PHLDB1: variants seen among roughly 807,000 people sequenced by gnomAD.
The protein encoded by PHLDB1 is pleckstrin homology like domain family B member 1.
Under a neutral mutation model 139.3 loss-of-function variants are expected in PHLDB1, and 65 were observed. The ratio of observed to expected loss-of-function variants is 0.47; its 90% CI spans 0.38 to 0.57. The LOEUF (loss-of-function observed/expected upper bound fraction) is 0.57, where lower values mean the gene tolerates loss of function less well. Ranked by LOEUF, PHLDB1 falls within the 20% of genes least tolerant of loss-of-function variation. The pLI is 0.00. For missense variants in PHLDB1, 1,624 were observed against 1,839.7 expected (o/e 0.88, Z 2.14); for synonymous variants, 679 against 734.5 (o/e 0.92, Z 1.22).
Position 118,645,861 on chromosome 11 carries a change from T to C in PHLDB1, c.3507+36T>C, listed in dbSNP as rs782634468. On this transcript the variant is annotated intron_variant, in intron 17 of 22. Coordinates refer to ENST00000600882, the MANE Select transcript of PHLDB1 (RefSeq NM_001144758.3). This position sits in a 1 kb window ranked among gnomAD's most constrained non-coding sequence, Gnocchi z 5.1. ...CCTGGATCGGGGAGGCAGAAGGTGT[T>C]GGGGCACAGAGCTACCTACTGCATG... 10 of 1,364,704 alleles carry C rather than the reference T, an allele frequency of 7.3e-6. No homozygotes were observed. The Admixed American group carries it at 1.7e-4, about 23-fold the overall frequency. The allele number at this position is 1,364,704 out of a possible 1,614,324, so 84.5% of individuals were successfully genotyped here. A position where few individuals can be genotyped will look rare whatever the true frequency, so the allele number is the denominator to read the frequency against.
intron 4 of PHLDB1, among the ~76,000 whole-genome samples, chr11:118,622,474 A>G (rs111807806): frequency 9.7e-4 from 148 of 152,362 alleles, no homozygotes; most frequent in Middle Eastern, 3.4e-3. Context: ...GCCCAGAGGC[A>G]GCATGGCCAC....
At chr11:118,622,392 C>T (rs545193371) in intron 4 of PHLDB1, among the ~76,000 whole-genome samples, 1 of 152,226 alleles carries the variant, frequency 6.6e-6, no homozygotes, top group Non-Finnish European at 1.5e-5. Flanking sequence ...CTGGGCTGCT[C>T]TCAGTCCTGC....
At position 118,632,968 on chromosome 11, in the gene PHLDB1, A is replaced by T; in HGVS notation, c.2379+672A>T. 1.5e-5 allele frequency: 5 copies of T among 343,524 alleles called. No homozygotes were observed. The highest frequency in any genetic ancestry group is 2.3e-5 in the African/African-American group (1 of 44,402). The allele number at this position is 343,524 out of a possible 1,614,324, so 21.3% of individuals were successfully genotyped here. On this transcript the variant is annotated intron_variant, in intron 9 of 22. Coordinates refer to ENST00000600882, the MANE Select transcript of PHLDB1 (RefSeq NM_001144758.3). The surrounding 1 kb of genome is among the most constrained non-coding windows in gnomAD (Gnocchi z 5.9). Reference sequence around the variant, plus strand: ...TTTCTTCCTCCTGCCCTCAATTTTGAGAATCTTAAAAATTCTTTGACCCTT... The same window carrying T: ...TTTCTTCCTCCTGCCCTCAATTTTGTGAATCTTAAAAATTCTTTGACCCTT...
chr11:118,633,349 G>C (rs1555112894), intron 9 of PHLDB1: 3 of 152,286 alleles, frequency 2.0e-5, no homozygotes, highest in African/African-American at 7.2e-5. Context: ...TGGGGGAAAT[G>C]CTTGGCTGTG....
At chr11:118,613,536 G>A (rs1351238488) in intron 1 of PHLDB1, 1 of 869,082 alleles carries the variant, frequency 1.2e-6, no homozygotes, top group Non-Finnish European at 1.5e-6. Flanking sequence ...CATAGGGCAA[G>A]AAAGCACAGA....
intron 13 of PHLDB1, 152 bp downstream of exon 13, chr11:118,642,546 C>T: frequency 1.1e-6 from 1 of 905,284 alleles, no homozygotes; most frequent in African/African-American, 1.7e-5. Context: ...GAGAGGGTCA[C>T]TCCTTGGGCA....
chr11:118,636,332 T>C (rs1555115659), intron 10 of PHLDB1, among the ~76,000 whole-genome samples: 1 of 151,686 alleles, frequency 6.6e-6, no homozygotes, highest in East Asian at 1.9e-4. Flanking sequence ...TGGGGAGGGG[T>C]GTCTAAAATT....
At chr11:118,621,218 G>C (rs1212021479) in intron 4 of PHLDB1, 1 of 152,378 alleles carries the variant, frequency 6.6e-6, no homozygotes, top group Non-Finnish European at 1.5e-5. Context: ...TCCTGCCCTC[G>C]ATGCAGGATC....
intron 6 of PHLDB1, among the ~76,000 whole-genome samples, chr11:118,630,526 G>A (rs782456400): frequency 1.2e-4 from 18 of 152,208 alleles, no homozygotes; most frequent in African/African-American, 3.1e-4. Flanking sequence ...CTGTGGTTGG[G>A]TGTCTGGTCC....
At chr11:118,630,034 T>G (rs782075504) in intron 6 of PHLDB1, 7 of 1,262,638 alleles carry the variant, frequency 5.5e-6, no homozygotes, top group East Asian at 1.1e-4. Flanking sequence ...TCCGGTTTTT[T>G]TTTTTTTTTT....
At chr11:118,612,737 G>A (rs891527567) in intron 1 of PHLDB1, among the ~76,000 whole-genome samples, 1 of 152,212 alleles carries the variant, frequency 6.6e-6, no homozygotes, top group Admixed American at 6.5e-5. Flanking sequence ...TGGAATGCGG[G>A]CTGCTGCCCC....
chr11:118,641,877 C>A, intron 12 of PHLDB1: 1 of 1,054,842 alleles, frequency 9.5e-7, no homozygotes, highest in Non-Finnish European at 1.3e-6. Flanking sequence ...TGGCTCTGGG[C>A]CAGCCCAAGG....
At chr11:118,641,730 C>T (rs779700075) in intron 12 of PHLDB1, 420 of 1,289,800 alleles carry the variant, frequency 3.3e-4, no homozygotes, top group Non-Finnish European at 4.1e-4. Flanking sequence ...CCACCACCTG[C>T]CTTCCTCCCA....
chr11:118,616,430 A>C (rs1941652990), intron 4 of PHLDB1, among the ~76,000 whole-genome samples: 1 of 152,092 alleles, frequency 6.6e-6, no homozygotes, highest in Non-Finnish European at 1.5e-5. Flanking sequence ...GGTCACCCCC[A>C]ACCTGTCTCC....
chr11:118,647,706 C>T (rs782687560), intron 17 of PHLDB1: 3 of 492,592 alleles, frequency 6.1e-6, no homozygotes, highest in South Asian at 3.8e-5. Flanking sequence ...GATCACAGAG[C>T]CCATAGTGGT....
At chr11:118,647,806 A>T (rs1233707732) in intron 17 of PHLDB1, 124 bp from the exon 18 acceptor site, 1 of 1,006,626 alleles carries the variant, frequency 9.9e-7, no homozygotes, top group Non-Finnish European at 1.4e-6. Flanking sequence ...GGCTTTGAAG[A>T]TGATGCCTCC....
intron 4 of PHLDB1, among the ~76,000 whole-genome samples, chr11:118,622,097 C>T (rs1273795289): frequency 1.8e-4 from 27 of 152,212 alleles, no homozygotes; most frequent in African/African-American, 6.5e-4. Context: ...CCCTCTCCTT[C>T]GCCCAGTTTT....
At position 118,638,822 on chromosome 11, in the gene PHLDB1, C is replaced by T. The variant is rs879995384; in HGVS notation, c.2536-69C>T. Reference sequence around the variant, plus strand: ...AGCCTTGAGTGTCTGGGCAGGAGAGCCAGCTAGTTCTCACCTTGGGCTCAG... The same window carrying T: ...AGCCTTGAGTGTCTGGGCAGGAGAGTCAGCTAGTTCTCACCTTGGGCTCAG... On this transcript the variant is annotated intron_variant, in intron 10 of 22. Coordinates refer to ENST00000600882, the MANE Select transcript of PHLDB1 (RefSeq NM_001144758.3). The T allele has an allele frequency of 1.8e-5, 21 of 1,177,580 alleles. No homozygotes were observed. In the South Asian group the frequency reaches 2.9e-4, roughly 16 times the overall value. The allele number at this position is 1,177,580 out of a possible 1,614,324, so 72.9% of individuals were successfully genotyped here.
At chr11:118,624,388 CA>C (rs1243504531) in intron 4 of PHLDB1, 1 of 153,066 alleles carries the variant, frequency 6.5e-6, no homozygotes, top group Non-Finnish European at 1.5e-5. Flanking sequence ...ACTCACTCAC[CA>C]GTGCTTTTTC....
Sources: gnomAD v4.1 joint callset for allele counts (sites outside exome capture counted in the v4.1 genomes callset) on GRCh38, gnomAD v4.1.1 for gene constraint, Gnocchi (gnomAD v3.1) non-coding constraint, MANE v1.5 for transcripts, NCBI Gene and HGNC (gene_info 2026-07-23, HGNC 2026-07-21) for gene names.